Variants in AQR observed in about 807,000 individuals in gnomAD.
AQR encodes the protein RNA helicase aquarius.
AQR carries 61 observed loss-of-function variants against 180.5 expected under a neutral mutation model. That is an observed-to-expected ratio of 0.34 (90% CI 0.28 to 0.42). The LOEUF (loss-of-function observed/expected upper bound fraction) is 0.42, where lower values mean the gene tolerates loss of function less well. AQR is among the 10% of genes least tolerant of loss of function. AQR has a pLI of 1.00. For synonymous variants in AQR, 551 were observed against 588.8 expected (o/e 0.94, Z 0.93); for missense variants, 1,281 against 1,798.3 (o/e 0.71, Z 5.20).
chr15:34,946,215 G>A (rs1007196840), intron 5 of AQR, among the ~76,000 whole-genome samples: 3 of 152,208 alleles, frequency 2.0e-5, no homozygotes, highest in African/African-American at 7.2e-5. Flanking sequence ...ATGTTGCAGT[G>A]AGCTGAGATC....
rs558898824 is a variant in AQR at position 34,877,200 on chromosome 15, A to G, written c.3166-1194T>C. Among the ~76,000 whole-genome samples the G allele has an allele frequency of 5.3e-5, 8 of 152,322 alleles. No homozygotes were observed. The South Asian group carries it at 1.7e-3, about 32-fold the overall frequency. ...TGTCCAATTCTCATTTAGATCTATT[A>G]TCAATATGTTTTATCTTTCCTATTC... is the stretch of plus-strand genomic sequence containing the variant. On this transcript the variant is annotated intron_variant, in intron 27 of 34. Transcript: ENST00000156471.
At chr15:34,921,481 C>T (rs1418498398) in intron 13 of AQR, among the ~76,000 whole-genome samples, 1 of 147,206 alleles carries the variant, frequency 6.8e-6, no homozygotes, top group African/African-American at 2.5e-5. Context: ...CAGCCTTGGA[C>T]AAATGGCCAA....
chr15:34,941,665 G>A (rs114963004), intron 7 of AQR, among the ~76,000 whole-genome samples: 2,023 of 151,934 alleles, frequency 0.013, 52 homozygotes, highest in African/African-American at 0.047. Flanking sequence ...TTAATATTAG[G>A]TATGATCCAG....
intron 3 of AQR, among the ~76,000 whole-genome samples, chr15:34,957,210 A>G (rs28715915): frequency 0.61 from 92,974 of 151,556 alleles, 30,788 homozygotes; most frequent in South Asian, 0.75. Context: ...AGGCTGGAGT[A>G]GAGTGGCACA....
intron 2 of AQR, among the ~76,000 whole-genome samples, chr15:34,961,287 T>C (rs936884855): frequency 3.3e-5 from 5 of 151,842 alleles, no homozygotes; most frequent in African/African-American, 7.3e-5. Context: ...TTCATTTGAG[T>C]GAGGGTGGGC....
intron 15 of AQR, among the ~76,000 whole-genome samples, chr15:34,917,633 G>GC (rs763237056): frequency 3.2e-4 from 48 of 152,032 alleles, no homozygotes; most frequent in Non-Finnish European, 6.0e-4. Flanking sequence ...ATCAAACACA[G>GC]CCTATCATAG....
At chr15:34,875,847 C>T (rs547706915) in intron 28 of AQR, 88 bp downstream of exon 28, 8 of 970,734 alleles carry the variant, frequency 8.2e-6, no homozygotes, top group Non-Finnish European at 1.3e-5. Flanking sequence ...CTATGGCAAT[C>T]AGCACACCCA....
intron 34 of AQR, 34 bp downstream of exon 34, chr15:34,860,008 C>A: frequency 1.8e-6 from 2 of 1,128,006 alleles, no homozygotes; most frequent in South Asian, 2.5e-5. Flanking sequence ...ATTTCTACAG[C>A]AAGAAAAATA....
rs938404418 is a variant in AQR at position 34,855,424 on chromosome 15, T to TG, written c.*1367dup. On this transcript the variant is annotated 3_prime_UTR_variant, in exon 35 of 35. Coordinates refer to ENST00000156471, the MANE Select transcript of AQR (RefSeq NM_014691.3). ...GGTGGATGCACTAGAGGAGACATTC[T>TG]GGGGTAAATGCTCCCCTCCCCTTTA... is the stretch of plus-strand genomic sequence containing the variant. 19 of 152,216 alleles carry TG rather than the reference T, an allele frequency of 1.2e-4. No individual in the cohort carries two copies. Among genetic ancestry groups the TG allele is most frequent in the African/African-American group, 4.6e-4 (19 of 41,442 alleles). The allele number at this position is 152,216 out of a possible 1,614,324, so 9.4% of individuals were successfully genotyped here. A position where few individuals can be genotyped will look rare whatever the true frequency, so the allele number is the denominator to read the frequency against.
intron 33 of AQR, among the ~76,000 whole-genome samples, chr15:34,861,956 TA>T (rs1329390316): frequency 6.6e-6 from 1 of 151,986 alleles, no homozygotes; most frequent in Non-Finnish European, 1.5e-5. Context: ...GACAATTCAT[TA>T]AATGAAAAAG....
intron 16 of AQR, among the ~76,000 whole-genome samples, chr15:34,912,796 A>G (rs1893520224): frequency 6.6e-6 from 1 of 152,200 alleles, no homozygotes; most frequent in Non-Finnish European, 1.5e-5. Context: ...CAACACTCCA[A>G]AGTTATGAAG....
chr15:34,893,592 T>C (rs1307910234), intron 23 of AQR, 71 bp downstream of exon 23: 17 of 1,310,000 alleles, frequency 1.3e-5, no homozygotes, highest in Non-Finnish European at 1.9e-5. Context: ...CATACCCATG[T>C]GCATGCGCAT....
intron 5 of AQR, among the ~76,000 whole-genome samples, chr15:34,945,853 T>A (rs1894104371): frequency 6.6e-6 from 1 of 152,202 alleles, no homozygotes; most frequent in Non-Finnish European, 1.5e-5. Context: ...GTGACCATTA[T>A]ATGGCGGGCA....
chr15:34,925,917 C>T (rs1473842520), intron 13 of AQR, among the ~76,000 whole-genome samples: 1 of 151,940 alleles, frequency 6.6e-6, no homozygotes, highest in Admixed American at 6.6e-5. Context: ...GCCTGTAATC[C>T]CGGCACTTTG....
At chr15:34,941,886 A>C in intron 7 of AQR, 126 bp downstream of exon 7, 1 of 530,814 alleles carries the variant, frequency 1.9e-6, no homozygotes, top group Non-Finnish European at 3.0e-6. Context: ...AAGTTAAGCA[A>C]AGTGGCTTTT....
chr15:34,964,337 G>A (rs374451297), intron 1 of AQR, 47 bp from the exon 2 acceptor site: 368 of 1,448,104 alleles, frequency 2.5e-4, no homozygotes, highest in Non-Finnish European at 3.3e-4. Context: ...TCTTGCCATT[G>A]TAGAGCTGGA....
At chr15:34,894,868 T>G (rs1893208053) in intron 22 of AQR, among the ~76,000 whole-genome samples, 1 of 151,542 alleles carries the variant, frequency 6.6e-6, no homozygotes, top group African/African-American at 2.4e-5. Flanking sequence ...AAAAATATAA[T>G]GAAAGAATAT....
chr15:34,913,080 A>G (rs1893524214), intron 16 of AQR, among the ~76,000 whole-genome samples: 1 of 152,192 alleles, frequency 6.6e-6, no homozygotes, highest in African/African-American at 2.4e-5. Flanking sequence ...CACTATAAAT[A>G]TACAAGTCCA....
chr15:34,938,655 G>C, intron 9 of AQR, 82 bp downstream of exon 9: 1 of 894,912 alleles, frequency 1.1e-6, no homozygotes, highest in South Asian at 1.6e-5. Context: ...TCCAAGAACA[G>C]TTTTTAGATT....
Sources: gnomAD v4.1 joint callset for allele counts (sites outside exome capture counted in the v4.1 genomes callset) on GRCh38, gnomAD v4.1.1 for gene constraint, MANE v1.5 for transcripts, NCBI Gene and HGNC (gene_info 2026-07-23, HGNC 2026-07-21) for gene names.